OR51M1: variants seen among roughly 807,000 people sequenced by gnomAD.
The protein encoded by OR51M1 is olfactory receptor 51M1.
For missense variants in OR51M1, 509 were observed against 404.4 expected, an observed-to-expected ratio of 1.26 and a Z score of -2.22; for synonymous variants, 199 against 155.1, an observed-to-expected ratio of 1.28 and a Z score of -2.10.
intron 2 of OR51M1, among the ~76,000 whole-genome samples, chr11:5,387,271 A>T (rs1027913216): frequency 6.6e-6 from 1 of 152,102 alleles, no homozygotes; most frequent in Non-Finnish European, 1.5e-5. Context: ...AGAGCACACA[A>T]CTATTGCACA....
In OR51M1 at chr11:5,389,731, C is replaced by G. The variant is rs766483501; in HGVS notation, c.333C>G (p.Ile111Met). Residue 111 changes from isoleucine to methionine, a missense_variant, in exon 3 of 3, where the codon ATC becomes ATG. Transcript: ENST00000642046. ...GTATCTACTTTGGAGCGTGTCAAAT[C>G]CAGATGTTCTGCATCCACTCTTTTT... Reference protein sequence around the residue: ...SHSIYFGACQIQMFCIHSFSF... With the variant: ...SHSIYFGACQMQMFCIHSFSF... 6.2e-7 allele frequency: 1 copy of G among 1,613,934 alleles called. No individual in the cohort carries two copies. Among genetic ancestry groups the G allele is most frequent in the Non-Finnish European group, 8.5e-7 (1 of 1,179,898 alleles).
intron 1 of OR51M1, among the ~76,000 whole-genome samples, chr11:5,384,450 C>G (rs1296272348): frequency 6.6e-6 from 1 of 152,146 alleles, no homozygotes; most frequent in Non-Finnish European, 1.5e-5. Context: ...AGAGAAAGAA[C>G]AGAAAACAGG....
rs1319320185 is a variant in OR51M1, at chr11:5,389,687, T to G, written c.289T>G (p.Phe97Val). 6.2e-7 allele frequency: 1 copy of G among 1,613,736 alleles called. No individual in the cohort carries two copies. Among genetic ancestry groups the G allele is most frequent in the South Asian group, 1.1e-5 (1 of 91,076 alleles). The change falls in exon 3 of 3, where the codon TTC becomes GTC. Residue 97 changes from phenylalanine to valine, a missense_variant. By Grantham distance (50) the Phe-to-Val change is conservative. Transcript: ENST00000642046. Reference protein sequence around the residue: ...VSTLPTTMGIFWFNSHSIYFG... With the variant: ...VSTLPTTMGIVWFNSHSIYFG... ...CACGTTGCCCACCACTATGGGGATC[T>G]TCTGGTTTAACTCCCATAGTATCTA...
chr11:5,390,653 T>G lies in OR51M1; in HGVS notation c.*274T>G, dbSNP rs61892014. Reference sequence around the variant, plus strand: ...TATTGAAGGTCATCATCAATGTAACTAAAACTAAAATGAAACTAAATAAAA... The same window carrying G: ...TATTGAAGGTCATCATCAATGTAACGAAAACTAAAATGAAACTAAATAAAA... On this transcript the variant is annotated 3_prime_UTR_variant, in exon 3 of 3. Coordinates refer to ENST00000642046, the MANE Select transcript of OR51M1 (RefSeq NM_001004756.3). 4,724 of 370,374 alleles carry G rather than the reference T, an allele frequency of 0.013. 42 individuals are homozygous for G. The highest frequency in any genetic ancestry group is 0.018 in the Non-Finnish European group (3,674 of 206,878). 22.9% of individuals were successfully genotyped at this position (370,374 alleles called of 1,614,324 possible).
intron 2 of OR51M1, among the ~76,000 whole-genome samples, chr11:5,387,176 G>C (rs896720305): frequency 6.6e-6 from 1 of 152,116 alleles, no homozygotes; most frequent in African/African-American, 2.4e-5. Context: ...AGAGTGCATA[G>C]AAGCTATCAC....
At chr11:5,388,689 C>T (rs2133726906) in intron 2 of OR51M1, among the ~76,000 whole-genome samples, 1 of 151,428 alleles carries the variant, frequency 6.6e-6, no homozygotes, top group African/African-American at 2.4e-5. Flanking sequence ...ACCTTTTTTA[C>T]TTCATTAAAA....
In OR51M1 at chr11:5,393,253, A is replaced by T. The variant is rs1849823441; in HGVS notation, c.*2874A>T. The T allele has an allele frequency of 6.6e-6, 1 of 152,238 alleles. No individual in the cohort carries two copies. The highest frequency in any genetic ancestry group is 1.5e-5 in the Non-Finnish European group (1 of 68,036). 9.4% of individuals were successfully genotyped at this position (152,238 alleles called of 1,614,324 possible). On this transcript the variant is annotated 3_prime_UTR_variant, in exon 3 of 3. Coordinates refer to ENST00000642046, the MANE Select transcript of OR51M1 (RefSeq NM_001004756.3). ...AATATTATAATTTGTGTTATTGTTC[A>T]TAATTTTAAGAATGTAAGCATACAA...
In OR51M1 at chr11:5,390,011, AC is replaced by A; in HGVS notation, c.615del (p.Phe206SerfsTer7). 1 of 1,613,300 alleles carries A rather than the reference AC, an allele frequency of 6.2e-7. No homozygotes were observed. Among genetic ancestry groups the A allele is most frequent in the East Asian group, 2.2e-5 (1 of 44,870 alleles). On this transcript the variant is annotated frameshift_variant, in exon 3 of 3. Transcript: ENST00000642046. LOFTEE classifies it low-confidence loss of function (END_TRUNC). ...GATACAGCTGGCCTGCACAGATATCACCTTCAATAATCTGTATGGACTGATG... is the reference window on the plus strand; with the variant it reads ...GATACAGCTGGCCTGCACAGATATCACTTCAATAATCTGTATGGACTGATG... Reference protein sequence around the residue: ...EVIQLACTDITFNNLYGLMVV... With the variant: ...EVIQLACTDIXFNNLYGLMVV...
chr11:5,386,537 C>T (rs895464040), intron 2 of OR51M1, among the ~76,000 whole-genome samples: 5 of 152,076 alleles, frequency 3.3e-5, no homozygotes, highest in African/African-American at 4.8e-5. Flanking sequence ...GGACTATCAC[C>T]ACAGATCTTT....
At chr11:5,387,850 C>T (rs1849722957) in intron 2 of OR51M1, among the ~76,000 whole-genome samples, 1 of 152,142 alleles carries the variant, frequency 6.6e-6, no homozygotes, top group Non-Finnish European at 1.5e-5. Context: ...TCTTACCTTC[C>T]TCCTTTGCTC....
intron 2 of OR51M1, among the ~76,000 whole-genome samples, chr11:5,386,791 C>T (rs1302736849): frequency 6.6e-6 from 1 of 151,612 alleles, no homozygotes; most frequent in Admixed American, 6.6e-5. Flanking sequence ...ATTAAAAGAA[C>T]TTAGTTAAAA....
At position 5,391,392 on chromosome 11, in the gene OR51M1, G is replaced by C. The variant is rs895685253; in HGVS notation, c.*1013G>C. 1 of 152,204 alleles carries C rather than the reference G, an allele frequency of 6.6e-6. No homozygotes were observed. The highest frequency in any genetic ancestry group is 2.4e-5 in the African/African-American group (1 of 41,432). 9.4% of individuals were successfully genotyped at this position (152,204 alleles called of 1,614,324 possible). The stretch of plus-strand genomic sequence containing the variant: ...AACATTTGTCACACAGTAATGTCCT[G>C]TTTATGAAGGTGTGTGCATGTGTCC... On this transcript the variant is annotated 3_prime_UTR_variant, in exon 3 of 3. Coordinates refer to ENST00000642046, the MANE Select transcript of OR51M1 (RefSeq NM_001004756.3).
At chr11:5,387,062 C>G (rs1849706061) in intron 2 of OR51M1, among the ~76,000 whole-genome samples, 1 of 152,010 alleles carries the variant, frequency 6.6e-6, no homozygotes, top group Non-Finnish European at 1.5e-5. Flanking sequence ...TAAGAGCCAC[C>G]ACTGTATAAG....
Position 5,391,272 on chromosome 11 carries a change from C to G in OR51M1, c.*893C>G, listed in dbSNP as rs930690860. ...GGTCTCAGCTTTGAAATTGCTTCCTCAAGGACATTTTCACAGATAGCTCCT... is the reference window on the plus strand; with the variant it reads ...GGTCTCAGCTTTGAAATTGCTTCCTGAAGGACATTTTCACAGATAGCTCCT... On this transcript the variant is annotated 3_prime_UTR_variant, in exon 3 of 3. Coordinates refer to ENST00000642046, the MANE Select transcript of OR51M1 (RefSeq NM_001004756.3). The G allele has an allele frequency of 6.6e-6, 1 of 152,216 alleles. No individual in the cohort carries two copies. The highest frequency in any genetic ancestry group is 6.5e-5 in the Admixed American group (1 of 15,280). 9.4% of individuals were successfully genotyped at this position (152,216 alleles called of 1,614,324 possible). A position where few individuals can be genotyped will look rare whatever the true frequency, so the allele number is the denominator to read the frequency against.
Position 5,390,111 on chromosome 11 carries a change from C to A in OR51M1, c.713C>A (p.Ala238Glu), listed in dbSNP as rs756835561. 6.2e-7 allele frequency: 1 copy of A among 1,613,674 alleles called. No individual in the cohort carries two copies. The highest frequency in any genetic ancestry group is 8.5e-7 in the Non-Finnish European group (1 of 1,179,902). Residue 238 changes from alanine (A) to glutamate (E), a missense_variant, in exon 3 of 3, where the codon GCA becomes GAA. Physicochemically the swap from Ala to Glu is moderately radical, Grantham distance 107. Coordinates refer to ENST00000642046, the MANE Select transcript of OR51M1 (RefSeq NM_001004756.3). ...TATGGACTCATCCTGCACACAGTAG[C>A]AGGCCTGGCCTCCCAAGAGGAGCAG... is the stretch of plus-strand genomic sequence containing the variant. ...LSYGLILHTVAGLASQEEQRR... is the reference protein window; with the variant it reads ...LSYGLILHTVEGLASQEEQRR...
At position 5,390,244 on chromosome 11, in the gene OR51M1, T is replaced by A; in HGVS notation, c.846T>A (p.Pro282=). ...ACCGTTTTGGGAAGCATGCCCCACC[T>A]GCTATTCATCTTCTTATGGCCAATG... ...LVHRFGKHAP[P]AIHLLMANVY... is the part of the protein sequence containing the mutation. The change falls in exon 3 of 3, where the codon CCT becomes CCA. Residue 282 remains proline, a synonymous_variant. Coordinates refer to ENST00000642046, the MANE Select transcript of OR51M1 (RefSeq NM_001004756.3). The A allele has an allele frequency of 6.2e-7, 1 of 1,614,028 alleles. No homozygotes were observed.
chr11:5,390,502 G>A lies in OR51M1; in HGVS notation c.*123G>A, dbSNP rs1849779887. On this transcript the variant is annotated 3_prime_UTR_variant, in exon 3 of 3. Transcript: ENST00000642046. ...TTTGCCCCTGTCCTAAATAAAATAT[G>A]GGCAAATTTATGTCTGGAGTTGTGG... 30 of 794,044 alleles carry A rather than the reference G, an allele frequency of 3.8e-5. No individual in the cohort carries two copies. In the South Asian group the frequency reaches 6.1e-4, roughly 16 times the overall value. The allele number at this position is 794,044 out of a possible 1,614,324, so 49.2% of individuals were successfully genotyped here.
intron 2 of OR51M1, among the ~76,000 whole-genome samples, chr11:5,387,926 C>G (rs1372991631): frequency 6.6e-6 from 1 of 152,036 alleles, no homozygotes; most frequent in Non-Finnish European, 1.5e-5. Context: ...ATTTTTGTCT[C>G]TGTTCTGTTT....
chr11:5,384,731 C>A (rs1346105279), intron 1 of OR51M1, among the ~76,000 whole-genome samples: 2 of 152,178 alleles, frequency 1.3e-5, no homozygotes, highest in African/African-American at 4.8e-5. Flanking sequence ...ATATGCTGGT[C>A]CAGTTAACAT....
Sources: gnomAD v4.1 joint callset for allele counts (sites outside exome capture counted in the v4.1 genomes callset) on GRCh38, gnomAD v4.1.1 for gene constraint, MANE v1.5 for transcripts, NCBI Gene and HGNC (gene_info 2026-07-23, HGNC 2026-07-21) for gene names.